The following SHANK2 variants were observed in gnomAD, a reference collection of about 807,000 sequenced individuals.
The protein encoded by SHANK2 is SH3 and multiple ankyrin repeat domains protein 2.
A neutral mutation model predicts 133.7 loss-of-function variants in SHANK2; 43 were observed. That is an observed-to-expected ratio of 0.32 (90% CI 0.25 to 0.41). The LOEUF (loss-of-function observed/expected upper bound fraction) is 0.41. SHANK2 is among the 10% of genes least tolerant of loss of function. The pLI is 1.00. For synonymous variants in SHANK2, 1,017 were observed against 952.8 expected, an observed-to-expected ratio of 1.07 and a Z score of -1.24; for missense variants, 1,994 against 2,235.8, an observed-to-expected ratio of 0.89 and a Z score of 2.18.
intron 9 of SHANK2, among the ~76,000 whole-genome samples, chr11:71,062,543 C>T (rs1447337632): frequency 6.6e-6 from 1 of 152,128 alleles, no homozygotes; most frequent in East Asian, 1.9e-4. Flanking sequence ...TGCACCCTGG[C>T]CCAGTGGCCT....
chr11:70,950,319 G>A (rs1210004115), intron 10 of SHANK2, among the ~76,000 whole-genome samples: 12 of 151,838 alleles, frequency 7.9e-5, no homozygotes, highest in Admixed American at 6.6e-4. Flanking sequence ...TGGGATTACA[G>A]GCGAGCACCA....
At chr11:70,672,897 G>C (rs1457086618) in intron 15 of SHANK2, among the ~76,000 whole-genome samples, 1 of 152,236 alleles carries the variant, frequency 6.6e-6, no homozygotes, top group Non-Finnish European at 1.5e-5. Flanking sequence ...TCCTGGCTCT[G>C]GCAAGAGCTG....
intron 2 of SHANK2, among the ~76,000 whole-genome samples, chr11:71,198,040 G>T (rs1298221727): frequency 6.6e-6 from 1 of 152,186 alleles, no homozygotes; most frequent in Non-Finnish European, 1.5e-5. Flanking sequence ...GCTTCACTCT[G>T]TGTGCCGTTT....
At chr11:70,593,025 G>C (rs902618876) in intron 17 of SHANK2, among the ~76,000 whole-genome samples, 9 of 152,194 alleles carry the variant, frequency 5.9e-5, no homozygotes, top group African/African-American at 1.9e-4. Flanking sequence ...GTGGGTCCCA[G>C]CCCTGGCCTC....
chr11:70,892,021 T>C (rs1301054224), intron 11 of SHANK2, among the ~76,000 whole-genome samples: 1 of 152,188 alleles, frequency 6.6e-6, no homozygotes, highest in African/African-American at 2.4e-5. Context: ...TAAAACATGA[T>C]GTCTCTCGAA....
At chr11:70,580,896 T>C (rs911531142) in intron 17 of SHANK2, among the ~76,000 whole-genome samples, 4 of 152,218 alleles carry the variant, frequency 2.6e-5, no homozygotes, top group African/African-American at 9.6e-5. Context: ...CCCAGGATGC[T>C]GCAGCACACA....
chr11:70,489,518 T>C, intron 23 of SHANK2, 170 bp from the exon 24 acceptor site: 1 of 716,340 alleles, frequency 1.4e-6, no homozygotes, highest in Non-Finnish European at 2.5e-6. Flanking sequence ...ACAAGCACGC[T>C]GCGCTTTTGC....
rs547361937 is a variant in SHANK2 at position 70,607,748 on chromosome 11, G to A, written c.2061+52080C>T. Reference sequence around the variant, plus strand: ...CCATCCTGTGAGCAGGCAGTGGCCAGCTCTGCTCTGTGTTGAAGCAGCAGC... The same window carrying A: ...CCATCCTGTGAGCAGGCAGTGGCCAACTCTGCTCTGTGTTGAAGCAGCAGC... On this transcript the variant is annotated intron_variant, in intron 17 of 25. Transcript: ENST00000601538. 7.9e-5 allele frequency among the ~76,000 whole-genome samples: 12 copies of A among 152,350 alleles called. No homozygotes were observed. The East Asian group carries it at 2.1e-3, about 27-fold the overall frequency.
Position 70,470,279 on chromosome 11 carries a change from CTA to C in SHANK2, c.*2588_*2589del, listed in dbSNP as rs1354039697. ...TATAATAAGACAGTGTAAAAATAAA[CTA>C]TGTTATCAGCTCTTTAGTCTTGCAG... On this transcript the variant is annotated 3_prime_UTR_variant, in exon 26 of 26. Coordinates refer to ENST00000601538, the MANE Select transcript of SHANK2 (RefSeq NM_012309.5). 6.6e-6 allele frequency: 1 copy of C among 152,320 alleles called. No homozygotes were observed. The highest frequency in any genetic ancestry group is 2.4e-5 in the African/African-American group (1 of 41,460). 9.4% of individuals were successfully genotyped at this position (152,320 alleles called of 1,614,324 possible).
chr11:70,487,833 G>A lies in SHANK2; in HGVS notation c.2573-113C>T, dbSNP rs909434381. 1.1e-5 allele frequency: 17 copies of A among 1,541,390 alleles called. No homozygotes were observed. In the Admixed American group the frequency reaches 1.8e-4, roughly 16 times the overall value. ...AACTCACAAATTCAGATGATGAACC[G>A]GATGTTCAGGAAACACAGCACAAGC... On this transcript the variant is annotated intron_variant, in intron 24 of 25. Coordinates refer to ENST00000601538, the MANE Select transcript of SHANK2 (RefSeq NM_012309.5). The surrounding 1 kb of genome is among the most constrained non-coding windows in gnomAD (Gnocchi z 5.8).
At chr11:71,200,685 G>T (rs1183056876) in intron 2 of SHANK2, among the ~76,000 whole-genome samples, 1 of 152,046 alleles carries the variant, frequency 6.6e-6, no homozygotes, top group Non-Finnish European at 1.5e-5. Context: ...AATACCATGG[G>T]TATGGCTCAG....
chr11:70,902,086 A>G (rs1950030871), intron 10 of SHANK2, among the ~76,000 whole-genome samples: 2 of 152,204 alleles, frequency 1.3e-5, no homozygotes, highest in African/African-American at 4.8e-5. Flanking sequence ...TTGGACAGAC[A>G]GGAGGCTGGG....
chr11:71,175,551 GGA>G lies in SHANK2; in HGVS notation c.-12-28215_-12-28214del, dbSNP rs555218781. Among the ~76,000 whole-genome samples the G allele has an allele frequency of 0.012, 474 of 40,616 alleles. 2 individuals are homozygous for G. The highest frequency in any genetic ancestry group is 0.028 in the African/African-American group (337 of 12,218). The allele number at this position is 40,616 out of a possible 152,430, so 26.6% of individuals were successfully genotyped here. A position where few individuals can be genotyped will look rare whatever the true frequency, so the allele number is the denominator to read the frequency against. ...CAGACAGACAGAGGGAGAGGGAGAG[GGA>G]GAGAGAGAGAGAGAGAGAGAGAGAG... On this transcript the variant is annotated intron_variant, in intron 2 of 25. Transcript: ENST00000601538. This position sits in a 1 kb window ranked among gnomAD's most constrained non-coding sequence, Gnocchi z 4.2.
chr11:70,697,765 G>A (rs781799597), intron 15 of SHANK2, among the ~76,000 whole-genome samples: 21 of 152,326 alleles, frequency 1.4e-4, no homozygotes, highest in Middle Eastern at 6.8e-3. Context: ...AGAACCCAGC[G>A]TAGGGCTTCC....
At chr11:70,620,970 C>T (rs2060821715) in intron 17 of SHANK2, among the ~76,000 whole-genome samples, 1 of 152,332 alleles carries the variant, frequency 6.6e-6, no homozygotes, top group South Asian at 2.1e-4. Flanking sequence ...CTGAATAAGA[C>T]ATGTGGGGTC....
chr11:71,105,914 C>G (rs542705226), intron 6 of SHANK2, among the ~76,000 whole-genome samples: 1 of 152,182 alleles, frequency 6.6e-6, no homozygotes, highest in East Asian at 1.9e-4. Flanking sequence ...GGGTACAGCA[C>G]CAAGCGTAAA....
intron 1 of SHANK2, among the ~76,000 whole-genome samples, chr11:71,251,073 A>G (rs994222115): frequency 6.6e-6 from 1 of 151,188 alleles, no homozygotes; most frequent in South Asian, 2.1e-4. Context: ...AGCCCCCGAG[A>G]GCCTTACGTA....
At chr11:70,544,303 CG>C (rs1437063431) in intron 17 of SHANK2, among the ~76,000 whole-genome samples, 2 of 152,168 alleles carry the variant, frequency 1.3e-5, no homozygotes, top group Non-Finnish European at 2.9e-5. Flanking sequence ...CCAGCAGCTA[CG>C]GGGAACATAG....
At chr11:71,166,475 TTTTTTTCTTTTC>T (rs1295051139) in intron 2 of SHANK2, among the ~76,000 whole-genome samples, 3 of 147,802 alleles carry the variant, frequency 2.0e-5, no homozygotes, top group East Asian at 1.9e-4. Flanking sequence ...CCACACGTCT[TTTTTTTCTTTTC>T]TTTTTTTTTT....
Sources: gnomAD v4.1 joint callset for allele counts (sites outside exome capture counted in the v4.1 genomes callset) on GRCh38, gnomAD v4.1.1 for gene constraint, Gnocchi (gnomAD v3.1) non-coding constraint, MANE v1.5 for transcripts, NCBI Gene and HGNC (gene_info 2026-07-23, HGNC 2026-07-21) for gene names.